IL36RN: variants seen among roughly 807,000 people sequenced by gnomAD.
IL36RN encodes the protein interleukin-36 receptor antagonist protein.
IL36RN carries 11 observed loss-of-function variants against 13.0 expected under a neutral mutation model. The ratio of observed to expected loss-of-function variants is 0.85; its 90% CI spans 0.53 to 1.40. IL36RN has a LOEUF of 1.40. Among genes scored for constraint, IL36RN ranks in the 40% most tolerant of loss-of-function variants. The pLI is 0.00. For synonymous variants in IL36RN, 94 were observed against 84.1 expected, an observed-to-expected ratio of 1.12 and a Z score of -0.64; for missense variants, 195 against 195.3, an observed-to-expected ratio of 1.00 and a Z score of 0.01.
chr2:113,062,767 C>A lies in IL36RN; in HGVS notation c.*90C>A. Reference sequence around the variant, plus strand: ...CCATGGCGGACAATCACTCTCTCTGCTCTCAGGACCCCCACGTCTGACTTA... The same window carrying A: ...CCATGGCGGACAATCACTCTCTCTGATCTCAGGACCCCCACGTCTGACTTA... On this transcript the variant is annotated 3_prime_UTR_variant, in exon 5 of 5. Transcript: ENST00000393200. 8.8e-7 allele frequency: 1 copy of A among 1,139,918 alleles called. No individual in the cohort carries two copies. Among genetic ancestry groups the A allele is most frequent in the Non-Finnish European group, 1.3e-6 (1 of 782,740 alleles). 70.6% of individuals were successfully genotyped at this position (1,139,918 alleles called of 1,614,324 possible).
rs1300921115 is a variant in IL36RN, at chr2:113,064,385, T to C, written c.*1708T>C. The C allele has an allele frequency of 6.6e-6, 1 of 152,190 alleles. No individual in the cohort carries two copies. Among genetic ancestry groups the C allele is most frequent in the African/African-American group, 2.4e-5 (1 of 41,438 alleles). The allele number at this position is 152,190 out of a possible 1,614,324, so 9.4% of individuals were successfully genotyped here. On this transcript the variant is annotated 3_prime_UTR_variant, in exon 5 of 5. Coordinates refer to ENST00000393200, the MANE Select transcript of IL36RN (RefSeq NM_012275.3). ...GTGTTTACATTCTGTGTGTGTCCCCTCCCACAATGTACCAAAGTTGTCTTT... is the reference window on the plus strand; with the variant it reads ...GTGTTTACATTCTGTGTGTGTCCCCCCCCACAATGTACCAAAGTTGTCTTT...
At chr2:113,060,765 T>G in intron 2 of IL36RN, 87 bp from the exon 3 acceptor site, 3 of 911,776 alleles carry the variant, frequency 3.3e-6, no homozygotes, top group South Asian at 2.8e-5. Context: ...ACAAAATGCC[T>G]GAGATCAGGG....
At position 113,063,153 on chromosome 2, in the gene IL36RN, C is replaced by G. The variant is rs1427384841; in HGVS notation, c.*476C>G. The G allele has an allele frequency of 4.2e-6, 1 of 239,000 alleles. No homozygotes were observed. The highest frequency in any genetic ancestry group is 8.3e-6 in the Non-Finnish European group (1 of 120,566). 14.8% of individuals were successfully genotyped at this position (239,000 alleles called of 1,614,324 possible). ...ATCTATGGCCCTTGGCCCAGCCCCA[C>G]CTCCTTCCCTTTAATCCTGCCACTG... On this transcript the variant is annotated 3_prime_UTR_variant, in exon 5 of 5. Coordinates refer to ENST00000393200, the MANE Select transcript of IL36RN (RefSeq NM_012275.3).
chr2:113,059,689 G>C (rs1002052807), intron 2 of IL36RN, among the ~76,000 whole-genome samples: 4 of 152,128 alleles, frequency 2.6e-5, no homozygotes, highest in African/African-American at 9.7e-5. Context: ...TGCTGAGGGG[G>C]ATAAGTGAAC....
In IL36RN at chr2:113,062,268, C is replaced by T. The variant is rs1170527079; in HGVS notation, c.243+17C>T. ...ACACTAGAGGTGAGACTTGGGGCAT[C>T]CTCACTGGGGACTCAGCCACAGATG... On this transcript the variant is annotated intron_variant, in intron 4 of 4. Coordinates refer to ENST00000393200, the MANE Select transcript of IL36RN (RefSeq NM_012275.3). 2.5e-6 allele frequency: 4 copies of T among 1,613,736 alleles called. No individual in the cohort carries two copies. The African/African-American group carries it at 5.3e-5, about 22-fold the overall frequency.
intron 2 of IL36RN, among the ~76,000 whole-genome samples, chr2:113,060,218 CT>C (rs1001300675): frequency 1.3e-5 from 2 of 152,194 alleles, no homozygotes; most frequent in African/African-American, 4.8e-5. Flanking sequence ...ACACTGCATC[CT>C]TTTCCCCCAT....
Position 113,064,205 on chromosome 2 carries a change from T to C in IL36RN, c.*1528T>C, listed in dbSNP as rs1348572340. The C allele has an allele frequency of 6.6e-6, 1 of 152,198 alleles. No individual in the cohort carries two copies. The highest frequency in any genetic ancestry group is 2.4e-5 in the African/African-American group (1 of 41,454). 9.4% of individuals were successfully genotyped at this position (152,198 alleles called of 1,614,324 possible). ...AAGAAGAATTCTTCCCTAGAGGCTT[T>C]AGAGGGATAACGGCTCTGCTGAAAC... is the stretch of plus-strand genomic sequence containing the variant. On this transcript the variant is annotated 3_prime_UTR_variant, in exon 5 of 5. Coordinates refer to ENST00000393200, the MANE Select transcript of IL36RN (RefSeq NM_012275.3).
intron 2 of IL36RN, 87 bp downstream of exon 2, chr2:113,059,554 A>T: frequency 6.9e-7 from 1 of 1,457,848 alleles, no homozygotes; most frequent in Non-Finnish European, 9.6e-7. Context: ...AGCAGGAGGG[A>T]GGAAGGGAGG....
rs940755914 is a variant in IL36RN, at chr2:113,063,994, G to T, written c.*1317G>T. The T allele has an allele frequency of 8.5e-5, 13 of 152,194 alleles. No homozygotes were observed. The highest frequency in any genetic ancestry group is 3.1e-4 in the African/African-American group (13 of 41,446). 9.4% of individuals were successfully genotyped at this position (152,194 alleles called of 1,614,324 possible). A position where few individuals can be genotyped will look rare whatever the true frequency, so the allele number is the denominator to read the frequency against. The stretch of plus-strand genomic sequence containing the variant: ...TGCAGATGTAGTTAGTTAAGACAAG[G>T]TCATGCTGGATGAAGGTAGACCTAA... On this transcript the variant is annotated 3_prime_UTR_variant, in exon 5 of 5. Coordinates refer to ENST00000393200, the MANE Select transcript of IL36RN (RefSeq NM_012275.3).
At chr2:113,059,530 G>A (rs376683745) in intron 2 of IL36RN, 63 bp downstream of exon 2, 84 of 1,581,080 alleles carry the variant, frequency 5.3e-5, no homozygotes, top group East Asian at 2.5e-4. Context: ...GGATAGACCC[G>A]TTGTCCAGCT....
At chr2:113,059,377 C>T (rs1685593154) in intron 1 of IL36RN, 35 bp from the exon 2 acceptor site, 10 of 1,595,564 alleles carry the variant, frequency 6.3e-6, no homozygotes, top group African/African-American at 2.7e-5. Flanking sequence ...CTCAGCCTCT[C>T]TCTCCATGAT....
rs1308338270 is a variant in IL36RN, at chr2:113,060,957, C to G, written c.115+20C>G. 1.3e-6 allele frequency: 2 copies of G among 1,587,156 alleles called. No individual in the cohort carries two copies. Among genetic ancestry groups the G allele is most frequent in the Non-Finnish European group, 1.7e-6 (2 of 1,155,560 alleles). On this transcript the variant is annotated intron_variant, in intron 3 of 4. Transcript: ENST00000393200. ...TTAAAGGTTGGTGATGAAACATGAC[C>G]CACTTTCCTTGGTCTCTATACACTC...
intron 1 of IL36RN, 21 bp downstream of exon 1, chr2:113,059,262 G>A: frequency 1.4e-6 from 1 of 697,656 alleles, no homozygotes; most frequent in Non-Finnish European, 2.6e-6. Flanking sequence ...GGGCGCTGGT[G>A]GTACCGGAGC....
intron 4 of IL36RN, 81 bp from the exon 5 acceptor site, chr2:113,062,372 G>T: frequency 1.9e-6 from 3 of 1,604,564 alleles, no homozygotes; most frequent in Non-Finnish European, 2.6e-6. Flanking sequence ...TGGCAGCTTT[G>T]CCTCCTCCCT....
At chr2:113,059,641 G>A (rs1228019332) in intron 2 of IL36RN, among the ~76,000 whole-genome samples, 174 bp downstream of exon 2, 1 of 152,072 alleles carries the variant, frequency 6.6e-6, no homozygotes, top group Admixed American at 6.5e-5. Flanking sequence ...TCAAATAGGG[G>A]CAGGACTGGG....
Position 113,062,460 on chromosome 2 carries a change from A to G in IL36RN, c.251A>G (p.Asn84Ser), listed in dbSNP as rs756170880. The change falls in exon 5 of 5, where the codon AAC (asparagine) becomes AGC (serine). Residue 84 changes from asparagine (N) to serine (S), a missense_variant. Transcript: ENST00000393200. ...QEPTLTLEPV[N>S]IMELYLGAKE... ...CCCCTCCTCTGCCGGCAGCCAGTGA[A>G]CATCATGGAGCTCTATCTTGGTGCC... 4 of 1,613,930 alleles carry G rather than the reference A, an allele frequency of 2.5e-6. No individual in the cohort carries two copies. The highest frequency in any genetic ancestry group is 3.4e-6 in the Non-Finnish European group (4 of 1,179,952).
intron 1 of IL36RN, 47 bp from the exon 2 acceptor site, chr2:113,059,364 CA>C (rs200570967): frequency 5.2e-6 from 8 of 1,549,496 alleles, no homozygotes; most frequent in Non-Finnish European, 7.1e-6. Flanking sequence ...AGACCCCAGC[CA>C]ACTCAGCCTC....
rs373297394 is a variant in IL36RN at position 113,062,692 on chromosome 2, C to A, written c.*15C>A. On this transcript the variant is annotated 3_prime_UTR_variant, in exon 5 of 5. Transcript: ENST00000393200. ...AGTGTGACTAGGGCAACGTGCCCCC[C>A]AGAACTCCCTGGGCAGAGCCAGCTC... The A allele has an allele frequency of 1.9e-6, 3 of 1,604,866 alleles. No homozygotes were observed. In the South Asian group the frequency reaches 3.3e-5, roughly 18 times the overall value.
Position 113,063,447 on chromosome 2 carries a change from T to G in IL36RN, c.*770T>G, listed in dbSNP as rs1268607601. 1 of 152,216 alleles carries G rather than the reference T, an allele frequency of 6.6e-6. No individual in the cohort carries two copies. The highest frequency in any genetic ancestry group is 2.4e-5 in the African/African-American group (1 of 41,450). The allele number at this position is 152,216 out of a possible 1,614,324, so 9.4% of individuals were successfully genotyped here. A position where few individuals can be genotyped will look rare whatever the true frequency, so the allele number is the denominator to read the frequency against. ...AAAAGATACCTATTTATATATTTCTTTATAGAAAAAAGTCTGGAAGAGTTT... is the reference window on the plus strand; with the variant it reads ...AAAAGATACCTATTTATATATTTCTGTATAGAAAAAAGTCTGGAAGAGTTT... On this transcript the variant is annotated 3_prime_UTR_variant, in exon 5 of 5. Transcript: ENST00000393200.
Sources: allele counts gnomAD v4.1 joint callset (sites outside exome capture counted in the v4.1 genomes callset), GRCh38; gene constraint gnomAD v4.1.1; transcripts MANE v1.5; gene names NCBI Gene and HGNC (gene_info 2026-07-23, HGNC 2026-07-21).